Variants in TSBP1 observed in about 807,000 individuals in gnomAD.
The protein encoded by TSBP1 is testis expressed basic protein 1.
In TSBP1, 56 loss-of-function variants were observed where a neutral mutation model predicts 68.8. The observed-to-expected ratio is 0.81, with a 90% CI of 0.66 to 1.02. The LOEUF is 1.02. Among genes scored for constraint, TSBP1 ranks in the 50% least tolerant of loss-of-function variants. The pLI is 0.00. For missense variants in TSBP1, 502 were observed against 641.2 expected (o/e 0.78, Z 2.34); for synonymous variants, 171 against 208.7 (o/e 0.82, Z 1.56).
exon 23 of TSBP1, chr6:32,293,372 T>C: frequency 6.2e-7 from 1 of 1,612,946 alleles, no homozygotes; most frequent in Admixed American, 1.7e-5. Context: ...CTTTGGCACA[T>C]CTGCCTCAGT....
chr6:32,332,616 G>C (rs1047938579), intron 14 of TSBP1, among the ~76,000 whole-genome samples: 8 of 151,796 alleles, frequency 5.3e-5, no homozygotes, highest in African/African-American at 1.9e-4. Flanking sequence ...GTTTTGTTTT[G>C]TTTTGTTTTT....
chr6:32,332,601 TTTTTG>T (rs543324090), intron 14 of TSBP1, among the ~76,000 whole-genome samples: 1 of 150,006 alleles, frequency 6.7e-6, no homozygotes. Context: ...CTTCTGTTTT[TTTTTG>T]TTTTGTTTTG....
In TSBP1 at chr6:32,336,553, C is replaced by A; in HGVS notation, c.430+62G>T. 7.2e-7 allele frequency: 1 copy of A among 1,392,916 alleles called. No individual in the cohort carries two copies. The highest frequency in any genetic ancestry group is 1.0e-6 in the Non-Finnish European group (1 of 980,406). The allele number at this position is 1,392,916 out of a possible 1,614,324, so 86.3% of individuals were successfully genotyped here. ...TTTAAAAATGCAGGGCAGATCAGGC[C>A]CCAAGACCTTGTAGGTCAGATATCA... On this transcript the variant is annotated intron_variant, in intron 12 of 22. Transcript: ENST00000612031. The surrounding 1 kb of genome is among the most constrained non-coding windows in gnomAD (Gnocchi z 5.2).
rs1767756639 is a variant in TSBP1, at chr6:32,322,601, G to A, written c.559+516C>T. On this transcript the variant is annotated intron_variant, in intron 18 of 22. Coordinates refer to ENST00000612031, the Ensembl canonical transcript of TSBP1. The stretch of plus-strand genomic sequence containing the variant: ...ATTTTGCTGGAGTCTGTGAGGGGAG[G>A]ACTTGGGTGGGCAGTGAAGGAGGTA... 3.4e-6 allele frequency: 3 copies of A among 895,518 alleles called. No homozygotes were observed. The Admixed American group carries it at 5.3e-5, about 16-fold the overall frequency. The allele number at this position is 895,518 out of a possible 1,614,324, so 55.5% of individuals were successfully genotyped here.
chr6:32,345,651 T>C (rs1015617648), intron 9 of TSBP1, among the ~76,000 whole-genome samples: 2 of 152,318 alleles, frequency 1.3e-5, no homozygotes, highest in South Asian at 4.1e-4. Flanking sequence ...ACACATATTA[T>C]TATATCATCA....
rs56036302 is a variant in TSBP1 at position 32,304,379 on chromosome 6, A to T, written c.581-1750T>A. 0.03 allele frequency among the ~76,000 whole-genome samples: 4,450 copies of T among 148,784 alleles called. 196 individuals are homozygous for T. Among genetic ancestry groups the T allele is most frequent in the East Asian group, 0.22 (1,129 of 5,120 alleles). ...AAATAAAACAAATCAGTTTTTTTTT[A>T]AATTATGTATTGAGTTCCTATTGAA... On this transcript the variant is annotated intron_variant, in intron 19 of 22. Transcript: ENST00000612031. The surrounding 1 kb of genome is among the most constrained non-coding windows in gnomAD (Gnocchi z 4.8).
chr6:32,325,497 G>T lies in TSBP1; in HGVS notation c.515-1883C>A, dbSNP rs1768126277. On this transcript the variant is annotated intron_variant, in intron 16 of 22. Transcript: ENST00000612031. The surrounding 1 kb of genome is among the most constrained non-coding windows in gnomAD (Gnocchi z 4.4). ...ACCAAAGAGAGCTGTCTCAAGAGAA[G>T]ATTCTCAAATACCAGGTGCCCACTT... is the stretch of plus-strand genomic sequence containing the variant. 22 of 899,046 alleles carry T rather than the reference G, an allele frequency of 2.4e-5. No homozygotes were observed. The Middle Eastern group carries it at 9.4e-4, about 38-fold the overall frequency. The allele number at this position is 899,046 out of a possible 1,614,324, so 55.7% of individuals were successfully genotyped here.
chr6:32,355,236 T>C (rs954358163), intron 7 of TSBP1, 92 bp from the exon 8 acceptor site: 75 of 1,341,654 alleles, frequency 5.6e-5, no homozygotes, highest in Non-Finnish European at 7.9e-5. Context: ...CACCCCCTTC[T>C]CAGGAGTTAA....
chr6:32,321,580 C>T lies in TSBP1; in HGVS notation c.559+1537G>A, dbSNP rs995679584. 7.9e-5 allele frequency among the ~76,000 whole-genome samples: 12 copies of T among 152,104 alleles called. No individual in the cohort carries two copies. Among genetic ancestry groups the T allele is most frequent in the Non-Finnish European group, 1.3e-4 (9 of 68,028 alleles). ...ATTGTCTCTGTATTTTTATCTGTGC[C>T]GTGAGAATACTTAGCCGATCAGCCT... On this transcript the variant is annotated intron_variant, in intron 18 of 22. Transcript: ENST00000612031. This position sits in a 1 kb window ranked among gnomAD's most constrained non-coding sequence, Gnocchi z 4.3.
In TSBP1 at chr6:32,302,487, C is replaced by A. The variant is rs1215386225; in HGVS notation, c.601+122G>T. 1.3e-6 allele frequency: 1 copy of A among 758,714 alleles called. No individual in the cohort carries two copies. Among genetic ancestry groups the A allele is most frequent in the Non-Finnish European group, 2.3e-6 (1 of 440,880 alleles). The allele number at this position is 758,714 out of a possible 1,614,324, so 47.0% of individuals were successfully genotyped here. On this transcript the variant is annotated intron_variant, in intron 20 of 22. Transcript: ENST00000612031. This position sits in a 1 kb window ranked among gnomAD's most constrained non-coding sequence, Gnocchi z 5.1. ...ACAAAACCAAAAACACCAAACAAACCAAAAAACACAAAAACCCAGCAAACA... is the reference window on the plus strand; with the variant it reads ...ACAAAACCAAAAACACCAAACAAACAAAAAAACACAAAAACCCAGCAAACA...
chr6:32,368,914 C>G, intron 2 of TSBP1, 100 bp from the exon 3 acceptor site: 1 of 1,373,854 alleles, frequency 7.3e-7, no homozygotes, highest in Non-Finnish European at 9.8e-7. Context: ...TCTTGCTTAC[C>G]AAGGTGGTCC....
chr6:32,328,238 G>A (rs1158508508), intron 16 of TSBP1, among the ~76,000 whole-genome samples: 5 of 151,386 alleles, frequency 3.3e-5, no homozygotes, highest in Admixed American at 6.6e-5. Context: ...CACTGCGCCC[G>A]GCCTCATTTT....
At chr6:32,366,579 C>G (rs536080581) in intron 4 of TSBP1, among the ~76,000 whole-genome samples, 1 of 151,058 alleles carries the variant, frequency 6.6e-6, no homozygotes, top group Non-Finnish European at 1.5e-5. Context: ...CTGGCTAACA[C>G]GGTGAAACCC....
In TSBP1 at chr6:32,310,761, A is replaced by ATATATATTTTTTTTTT; in HGVS notation, c.580+5010_580+5011insAAAAAAAAAATATATA. ...TATATATACATATATATATATATAT[A>ATATATATTTTTTTTTT]TTTTTAATCTTTTTAGAAAGGATAG... On this transcript the variant is annotated intron_variant, in intron 19 of 22. Transcript: ENST00000612031. Among the ~76,000 whole-genome samples, 6 of 144,806 alleles carry ATATATATTTTTTTTTT rather than the reference A, an allele frequency of 4.1e-5. No individual in the cohort carries two copies. The Admixed American group carries it at 4.1e-4, about 10-fold the overall frequency. The allele number at this position is 144,806 out of a possible 152,430, so 95.0% of individuals were successfully genotyped here.
At chr6:32,366,293 T>C (rs1417195601) in exon 5 of TSBP1, 2 of 1,601,744 alleles carry the variant, frequency 1.2e-6, no homozygotes, top group Admixed American at 1.7e-5. Flanking sequence ...TGAATATGCA[T>C]GTCGGGATCC....
chr6:32,303,498 T>C (rs1765506048), intron 19 of TSBP1, among the ~76,000 whole-genome samples: 1 of 152,148 alleles, frequency 6.6e-6, no homozygotes, highest in Non-Finnish European at 1.5e-5. Context: ...CTGCCTTTTT[T>C]TTTGAAAAAA....
chr6:32,346,720 C>T (rs554387295), intron 9 of TSBP1, among the ~76,000 whole-genome samples: 1 of 152,222 alleles, frequency 6.6e-6, no homozygotes, highest in African/African-American at 2.4e-5. Flanking sequence ...CGCCTGTAAT[C>T]CCAGCTGCTT....
chr6:32,360,626 C>T (rs3129911), intron 6 of TSBP1, among the ~76,000 whole-genome samples: 72,493 of 151,998 alleles, frequency 0.48, 18,619 homozygotes, highest in Middle Eastern at 0.59. Flanking sequence ...AACCACAATA[C>T]TGTTTTCCAT....
intron 22 of TSBP1, among the ~76,000 whole-genome samples, chr6:32,296,189 C>T (rs1050848545): frequency 6.6e-5 from 10 of 152,116 alleles, no homozygotes; most frequent in Admixed American, 1.3e-4. Flanking sequence ...TTGGACTTTT[C>T]GTTTTTTACA....
Sources: allele counts gnomAD v4.1 joint callset (sites outside exome capture counted in the v4.1 genomes callset), GRCh38; gene constraint gnomAD v4.1.1; non-coding constraint Gnocchi (gnomAD v3.1); transcripts MANE v1.5; gene names NCBI Gene and HGNC (gene_info 2026-07-23, HGNC 2026-07-21).